The following SPAG16 variants were observed in gnomAD, a reference collection of about 807,000 sequenced individuals.
SPAG16 encodes the protein sperm associated antigen 16, also known as sperm-associated antigen 16 protein.
Under a neutral mutation model 80.4 loss-of-function variants are expected in SPAG16, and 86 were observed. The ratio of observed to expected loss-of-function variants is 1.07; its 90% CI spans 0.90 to 1.28. The LOEUF is 1.28. Among genes scored for constraint, SPAG16 ranks in the 50% most tolerant of loss-of-function variants. The pLI is 0.00. For synonymous variants in SPAG16, 294 were observed against 265.9 expected (o/e 1.11, Z -1.03); for missense variants, 870 against 765.3 (o/e 1.14, Z -1.61).
chr2:213,327,562 G>A (rs368280691), intron 5 of SPAG16, among the ~76,000 whole-genome samples: 7 of 151,966 alleles, frequency 4.6e-5, no homozygotes, highest in African/African-American at 7.2e-5. Flanking sequence ...ATTTTGCAGC[G>A]TTATTTCTTA....
At chr2:214,368,846 T>G (rs1045460702) in intron 15 of SPAG16, among the ~76,000 whole-genome samples, 5 of 152,086 alleles carry the variant, frequency 3.3e-5, no homozygotes, top group African/African-American at 9.7e-5. Context: ...AGAATCTAAA[T>G]TCTGAAATTC....
chr2:213,393,452 G>C (rs2067873075), intron 9 of SPAG16, among the ~76,000 whole-genome samples: 1 of 151,654 alleles, frequency 6.6e-6, no homozygotes, highest in South Asian at 2.1e-4. Flanking sequence ...TTGCTTTTTT[G>C]ATTCGATTTT....
chr2:213,508,300 C>T (rs1050264236), intron 10 of SPAG16, among the ~76,000 whole-genome samples: 2 of 152,180 alleles, frequency 1.3e-5, no homozygotes, highest in Non-Finnish European at 2.9e-5. Context: ...CGGCTGGGCG[C>T]GGTGGCTCAC....
chr2:214,059,941 C>T (rs2125172992), intron 13 of SPAG16, among the ~76,000 whole-genome samples: 1 of 152,264 alleles, frequency 6.6e-6, no homozygotes, highest in Non-Finnish European at 1.5e-5. Flanking sequence ...CTGGGTACTG[C>T]ATCCCCAGTC....
chr2:214,094,563 C>A (rs2052452055), intron 13 of SPAG16, among the ~76,000 whole-genome samples: 2 of 151,922 alleles, frequency 1.3e-5, no homozygotes, highest in African/African-American at 4.8e-5. Flanking sequence ...AATATCTGTG[C>A]CCAGGGCATG....
At chr2:214,042,007 T>TATACACAC (rs1371293247) in intron 13 of SPAG16, among the ~76,000 whole-genome samples, 32 of 101,244 alleles carry the variant, frequency 3.2e-4, no homozygotes, top group South Asian at 6.5e-4. Flanking sequence ...TATATATATA[T>TATACACAC]ACACACACAC....
intron 9 of SPAG16, among the ~76,000 whole-genome samples, chr2:213,484,857 C>G (rs531331594): frequency 6.6e-6 from 1 of 152,258 alleles, no homozygotes; most frequent in South Asian, 2.1e-4. Flanking sequence ...CATGGACTAT[C>G]TATACTAATA....
At chr2:213,576,733 A>G (rs1342606317) in intron 10 of SPAG16, among the ~76,000 whole-genome samples, 1 of 152,186 alleles carries the variant, frequency 6.6e-6, no homozygotes, top group African/African-American at 2.4e-5. Flanking sequence ...ACAGAAAACC[A>G]AATAGTGCTT....
chr2:214,288,462 T>A (rs925929090), intron 15 of SPAG16, among the ~76,000 whole-genome samples: 1 of 152,148 alleles, frequency 6.6e-6, no homozygotes, highest in Admixed American at 6.5e-5. Context: ...GATTGCTGAA[T>A]CTTATGGTAG....
chr2:213,788,565 T>C (rs905130228), intron 10 of SPAG16, among the ~76,000 whole-genome samples: 50 of 151,954 alleles, frequency 3.3e-4, no homozygotes, highest in African/African-American at 1.1e-3. Flanking sequence ...CTATATCTCA[T>C]AGCCAATATC....
At chr2:214,259,230 C>A (rs1690939897) in intron 15 of SPAG16, among the ~76,000 whole-genome samples, 1 of 151,854 alleles carries the variant, frequency 6.6e-6, no homozygotes, top group African/African-American at 2.4e-5. Context: ...AAGTCTGTCT[C>A]TTTTCAGGTG....
intron 10 of SPAG16, among the ~76,000 whole-genome samples, chr2:213,825,190 T>C (rs1006556101): frequency 6.6e-6 from 1 of 152,158 alleles, no homozygotes; most frequent in Non-Finnish European, 1.5e-5. Flanking sequence ...TTTGAATTCT[T>C]TCTTTCCAAT....
intron 15 of SPAG16, among the ~76,000 whole-genome samples, chr2:214,228,590 C>T (rs545076722): frequency 6.6e-6 from 1 of 151,900 alleles, no homozygotes; most frequent in Admixed American, 6.6e-5. Flanking sequence ...TCAAAGTGTG[C>T]AGTACCTGGA....
intron 10 of SPAG16, among the ~76,000 whole-genome samples, chr2:213,649,932 A>T (rs1285600134): frequency 2.6e-5 from 4 of 152,120 alleles, no homozygotes; most frequent in Admixed American, 6.5e-5. Context: ...AGGATTTAGC[A>T]TCAGGGTGTA....
At chr2:213,748,115 A>G (rs1270636682) in intron 10 of SPAG16, among the ~76,000 whole-genome samples, 1 of 152,206 alleles carries the variant, frequency 6.6e-6, no homozygotes, top group East Asian at 1.9e-4. Flanking sequence ...TTATAAACTT[A>G]CAGCACAGTT....
intron 13 of SPAG16, among the ~76,000 whole-genome samples, chr2:214,041,583 G>T (rs1474718329): frequency 6.6e-6 from 1 of 151,308 alleles, no homozygotes; most frequent in East Asian, 1.9e-4. Flanking sequence ...TCTTCCAATT[G>T]TATTGTATTG....
intron 10 of SPAG16, among the ~76,000 whole-genome samples, chr2:213,779,298 C>G (rs1044840041): frequency 6.6e-6 from 1 of 152,180 alleles, no homozygotes; most frequent in African/African-American, 2.4e-5. Flanking sequence ...ACCAAACCTT[C>G]AACTCCACAT....
chr2:214,376,978 G>A (rs1700170678), intron 15 of SPAG16, among the ~76,000 whole-genome samples: 1 of 152,162 alleles, frequency 6.6e-6, no homozygotes, highest in South Asian at 2.1e-4. Flanking sequence ...CATACATGGT[G>A]CCATTCCCAA....
intron 5 of SPAG16, 139 bp downstream of exon 5, chr2:213,317,495 C>T: frequency 3.0e-6 from 4 of 1,343,540 alleles, no homozygotes; most frequent in Non-Finnish European, 3.8e-6. Flanking sequence ...ATGTGAGAGG[C>T]TTCATTAGCA....
Sources: gnomAD v4.1 joint callset for allele counts (sites outside exome capture counted in the v4.1 genomes callset) on GRCh38, gnomAD v4.1.1 for gene constraint, MANE v1.5 for transcripts, NCBI Gene and HGNC (gene_info 2026-07-23, HGNC 2026-07-21) for gene names.